RHPN1: variants seen among roughly 807,000 people sequenced by gnomAD.
RHPN1 encodes rhophilin Rho GTPase binding protein 1.
Under a neutral mutation model 74.7 loss-of-function variants are expected in RHPN1, and 77 were observed. That is an observed-to-expected ratio of 1.03 (90% CI 0.86 to 1.25). The LOEUF (loss-of-function observed/expected upper bound fraction) is 1.25. Ranked by LOEUF, RHPN1 falls within the 50% of genes most tolerant of loss-of-function variation. RHPN1 has a pLI of 0.00. For missense variants in RHPN1, 987 were observed against 932.2 expected (o/e 1.06, Z -0.77); for synonymous variants, 444 against 414.5 (o/e 1.07, Z -0.87).
intron 11 of RHPN1, 41 bp from the exon 12 acceptor site, chr8:143,381,227 C>T: frequency 6.4e-7 from 1 of 1,564,964 alleles, no homozygotes; most frequent in Non-Finnish European, 8.7e-7. Flanking sequence ...AGGCAGGTCT[C>T]CACAGTCTCC....
chr8:143,372,080 G>A, intron 1 of RHPN1, among the ~76,000 whole-genome samples: 1 of 152,168 alleles, frequency 6.6e-6, no homozygotes, highest in East Asian at 1.9e-4. Flanking sequence ...TGCCTGTGGG[G>A]CTCCAAGGGG....
chr8:143,365,891 GGA>G (rs1165167117), upstream of RHPN1, among the ~76,000 whole-genome samples: 1 of 151,942 alleles, frequency 6.6e-6, no homozygotes, highest in Non-Finnish European at 1.5e-5. Context: ...CTGCTACTTG[GGA>G]GACCGAGGTG....
upstream of RHPN1, among the ~76,000 whole-genome samples, chr8:143,364,970 C>A: frequency 1.3e-5 from 2 of 152,264 alleles, no homozygotes; most frequent in Non-Finnish European, 2.9e-5. This position sits in a 1 kb window ranked among gnomAD's most constrained non-coding sequence, Gnocchi z 4.5. Flanking sequence ...AGCGGGAGAG[C>A]GTGTTCTCTT....
At chr8:143,373,988 A>T (rs2130557692) in intron 1 of RHPN1, 1 of 314,684 alleles carries the variant, frequency 3.2e-6, no homozygotes, top group Non-Finnish European at 4.6e-6. Flanking sequence ...ATAGATGGTC[A>T]CCCGCTCAGC....
rs71315005 is a variant in RHPN1, at chr8:143,377,035, CGTGTGTCTGT to C, written c.306-329_306-320del. Among the ~76,000 whole-genome samples the C allele has an allele frequency of 4.8e-3, 618 of 128,396 alleles. 3 individuals carry two copies. Among genetic ancestry groups the C allele is most frequent in the African/African-American group, 0.016 (577 of 36,360 alleles). The allele number at this position is 128,396 out of a possible 152,430, so 84.2% of individuals were successfully genotyped here. A position where few individuals can be genotyped will look rare whatever the true frequency, so the allele number is the denominator to read the frequency against. ...TTGCCTCTATGTGTGCGTGTATGCA[CGTGTGTCTGT>C]GTGTGTCTGTGTGTGCGCGTGTGTG... On this transcript the variant is annotated intron_variant, in intron 3 of 14. Transcript: ENST00000289013.
At position 143,376,643 on chromosome 8, in the gene RHPN1, C is replaced by A. The variant is rs780025833; in HGVS notation, c.295C>A (p.Arg99=). ...EELSGGVDPG[R]HGSEAVTVPM... ...GCTCAGCGGTGGCGTGGACCCTGGC[C>A]GGCATGGGAGGTGCGGGTGGGGGCC... Residue 99 remains arginine (R), a synonymous_variant, in exon 3 of 15, where the codon CGG becomes AGG. Transcript: ENST00000289013. 1 of 1,569,528 alleles carries A rather than the reference C, an allele frequency of 6.4e-7. No individual in the cohort carries two copies. The highest frequency in any genetic ancestry group is 1.2e-5 in the South Asian group (1 of 86,034).
rs1450567167 is a variant in RHPN1, at chr8:143,378,745, C to T, written c.509C>T (p.Ala170Val). ...GAGTCGGGCCTGGAGCTGCTCACAG[C>T]CTATTACAACCAGCTGTGCTTCCTG... ...RNESGLELLT[A>V]YYNQLCFLDA... The change falls in exon 6 of 15, where the codon GCC (alanine) becomes GTC (valine). Residue 170 changes from alanine to valine, a missense_variant. Transcript: ENST00000289013. 4 of 1,589,520 alleles carry T rather than the reference C, an allele frequency of 2.5e-6. No individual in the cohort carries two copies. The highest frequency in any genetic ancestry group is 3.4e-6 in the Non-Finnish European group (4 of 1,168,582).
rs764659757 is a variant in RHPN1, at chr8:143,381,524, C to T, written c.1489-48C>T. ...TGGATGTGCTAGTCAGGCGGGGTCT[C>T]CTCAGTGTGTGGCCCAGCTGGGCCT... On this transcript the variant is annotated intron_variant, in intron 12 of 14. Transcript: ENST00000289013. The T allele has an allele frequency of 5.7e-6, 9 of 1,573,890 alleles. 1 individual carries two copies. Among genetic ancestry groups the T allele is most frequent in the Middle Eastern group, 1.8e-4 (1 of 5,444 alleles).
In RHPN1 at chr8:143,381,569, C is replaced by T. The variant is rs2130611266; in HGVS notation, c.1489-3C>T. The T allele has an allele frequency of 6.2e-7, 1 of 1,605,394 alleles. No individual in the cohort carries two copies. The highest frequency in any genetic ancestry group is 1.7e-5 in the Admixed American group (1 of 58,880). On this transcript the variant is annotated splice_polypyrimidine_tract_variant and splice_region_variant and intron_variant, in intron 12 of 14. Coordinates refer to ENST00000289013, the MANE Select transcript of RHPN1 (RefSeq NM_052924.3). Reference sequence around the variant, plus strand: ...GGGCCTCTGACCTCTGAGCCCCTGCCAGGGGCCCCTGTCTGTGTTCTCAGC... The same window carrying T: ...GGGCCTCTGACCTCTGAGCCCCTGCTAGGGGCCCCTGTCTGTGTTCTCAGC...
rs142051430 is a variant in RHPN1, at chr8:143,374,357, G to A, written c.61-1196G>A. On this transcript the variant is annotated intron_variant, in intron 1 of 14. Coordinates refer to ENST00000289013, the MANE Select transcript of RHPN1 (RefSeq NM_052924.3). ...GCCACAAGGTCCTGGGGAAGAAGAG[G>A]TCCTGTCTCCCGACAAGGGCGGGAA... 151 of 974,218 alleles carry A rather than the reference G, an allele frequency of 1.5e-4. 5 individuals are homozygous for A. In the African/African-American group the frequency reaches 2.3e-3, roughly 15 times the overall value. The allele number at this position is 974,218 out of a possible 1,614,324, so 60.3% of individuals were successfully genotyped here.
chr8:143,373,831 T>A (rs1818031581), intron 1 of RHPN1, among the ~76,000 whole-genome samples: 1 of 152,090 alleles, frequency 6.6e-6, no homozygotes, highest in Admixed American at 6.5e-5. Context: ...AGGACCCTTG[T>A]CACTGCGATT....
rs771306823 is a variant in RHPN1, at chr8:143,377,370, C to G, written c.306-10C>G. 1.9e-6 allele frequency: 3 copies of G among 1,611,820 alleles called. No homozygotes were observed. Among genetic ancestry groups the G allele is most frequent in the Non-Finnish European group, 1.7e-6 (2 of 1,178,312 alleles). Reference sequence around the variant, plus strand: ...GCCTTACAGTCTGAAGTCGATGCTTCTGGTTACAGCGAAGCTGTCACTGTC... The same window carrying G: ...GCCTTACAGTCTGAAGTCGATGCTTGTGGTTACAGCGAAGCTGTCACTGTC... On this transcript the variant is annotated splice_polypyrimidine_tract_variant and intron_variant, in intron 3 of 14. Coordinates refer to ENST00000289013, the MANE Select transcript of RHPN1 (RefSeq NM_052924.3).
Position 143,379,038 on chromosome 8 carries a change from G to A in RHPN1, c.711G>A (p.Glu237=). The A allele has an allele frequency of 6.5e-7, 1 of 1,544,636 alleles. No individual in the cohort carries two copies. The highest frequency in any genetic ancestry group is 8.7e-7 in the Non-Finnish European group (1 of 1,144,750). The change falls in exon 7 of 15, where the codon GAG becomes GAA. Residue 237 remains glutamate, a synonymous_variant. Coordinates refer to ENST00000289013, the MANE Select transcript of RHPN1 (RefSeq NM_052924.3). ...CGCGCCAGGACCGCTCCTGCACCGA[G>A]GGTGCCCGCCGCGCTATGGAGGCCT... ...IGARQDRSCT[E]GARRAMEAFQ...
intron 5 of RHPN1, 63 bp from the exon 6 acceptor site, chr8:143,378,633 C>T: frequency 6.4e-7 from 1 of 1,556,676 alleles, no homozygotes. Flanking sequence ...TGGGACTTCC[C>T]AGGGCAGTGT....
chr8:143,380,847 AG>A, intron 11 of RHPN1, 64 bp downstream of exon 11: 1 of 1,307,342 alleles, frequency 7.6e-7, no homozygotes, highest in Non-Finnish European at 1.0e-6. Flanking sequence ...TTCGTCCTGG[AG>A]AAAGGGAGGC....
chr8:143,375,752 C>A, intron 2 of RHPN1, 84 bp downstream of exon 2: 2 of 1,019,554 alleles, frequency 2.0e-6, no homozygotes, highest in Non-Finnish European at 1.4e-6. Flanking sequence ...AGATGTCTGC[C>A]CCATGGCCGG....
chr8:143,374,389 C>T, intron 1 of RHPN1: 1 of 886,442 alleles, frequency 1.1e-6, no homozygotes, highest in Non-Finnish European at 1.4e-6. Context: ...GGAAGCAGTC[C>T]CAGGAGCCAC....
chr8:143,380,773 G>T lies in RHPN1; in HGVS notation c.1401G>T (p.Pro467=). 1 of 1,574,118 alleles carries T rather than the reference G, an allele frequency of 6.4e-7. No individual in the cohort carries two copies. The change falls in exon 11 of 15, where the codon CCG becomes CCT. Residue 467 remains proline, a synonymous_variant. Transcript: ENST00000289013. ...ACTTCTGTGAGGCTGCCGAGGCCCCGGACATCCAGCGTGAGCAGCCAGGGC... is the reference window on the plus strand; with the variant it reads ...ACTTCTGTGAGGCTGCCGAGGCCCCTGACATCCAGCGTGAGCAGCCAGGGC... ...EDDFCEAAEA[P]DIQPKTHQKP...
chr8:143,364,855 C>T (rs1465262946), upstream of RHPN1, among the ~76,000 whole-genome samples: 5 of 152,188 alleles, frequency 3.3e-5, no homozygotes, highest in African/African-American at 1.2e-4. The surrounding 1 kb of genome is among the most constrained non-coding windows in gnomAD (Gnocchi z 4.5). Flanking sequence ...CTCCTGTTGC[C>T]TCCACAGATG....
Sources: allele counts gnomAD v4.1 joint callset (sites outside exome capture counted in the v4.1 genomes callset), GRCh38; gene constraint gnomAD v4.1.1; non-coding constraint Gnocchi (gnomAD v3.1); transcripts MANE v1.5; gene names NCBI Gene and HGNC (gene_info 2026-07-23, HGNC 2026-07-21).